The following ADAM2 variants were observed in gnomAD, a reference collection of about 807,000 sequenced individuals.
ADAM2 encodes the protein disintegrin and metalloproteinase domain-containing protein 2.
Under a neutral mutation model 99.3 loss-of-function variants are expected in ADAM2, and 101 were observed. That is an observed-to-expected ratio of 1.02 (90% confidence interval 0.87 to 1.20). The LOEUF (loss-of-function observed/expected upper bound fraction) is 1.20, where lower values mean the gene tolerates loss of function less well. Ranked by LOEUF, ADAM2 falls within the 50% of genes most tolerant of loss-of-function variation. The probability of loss-of-function intolerance (pLI) is 0.00; values close to 1 mark genes in which losing one functional copy is unlikely to be tolerated. For missense variants in ADAM2, 948 were observed against 878.7 expected, an observed-to-expected ratio of 1.08 and a Z score of -1.00; for synonymous variants, 323 against 287.6, an observed-to-expected ratio of 1.12 and a Z score of -1.25.
intron 11 of ADAM2, among the ~76,000 whole-genome samples, chr8:39,774,024 G>T (rs1489265253): frequency 6.6e-6 from 1 of 151,850 alleles, no homozygotes; most frequent in Non-Finnish European, 1.5e-5. Context: ...TCCCAGAAAA[G>T]CAAGATTATT....
In ADAM2 at chr8:39,788,199, A is replaced by G. The variant is rs770193799; in HGVS notation, c.695T>C (p.Ile232Thr). Residue 232 changes from isoleucine (I) to threonine (T), a missense_variant, in exon 9 of 21, where the codon ATA (isoleucine) becomes ACA (threonine). By Grantham distance (89) the Ile-to-Thr change is moderately conservative. Coordinates refer to ENST00000265708, the MANE Select transcript of ADAM2 (RefSeq NM_001464.5). ...TIILSSLELW[I>T]DENKIATTGE... is the part of the protein sequence containing the mutation. ...AGTGGTTGCAATTTTATTTTCATCT[A>G]TCCAAAGCTCCAATGAAGACAGAAT... 1.9e-6 allele frequency: 3 copies of G among 1,576,336 alleles called. No homozygotes were observed. The highest frequency in any genetic ancestry group is 2.6e-6 in the Non-Finnish European group (3 of 1,155,582).
intron 11 of ADAM2, 77 bp from the exon 12 acceptor site, chr8:39,769,652 C>A: frequency 2.1e-6 from 2 of 963,804 alleles, no homozygotes; most frequent in Non-Finnish European, 1.6e-6. Context: ...ACCTATACAA[C>A]AGCATTCCAC....
chr8:39,796,133 TA>T (rs1343369248), intron 7 of ADAM2, among the ~76,000 whole-genome samples: 4 of 152,000 alleles, frequency 2.6e-5, no homozygotes, highest in Non-Finnish European at 5.9e-5. Flanking sequence ...TACATAGGTA[TA>T]TGTGTGCCAT....
chr8:39,778,779 A>G (rs1803101328), intron 10 of ADAM2, among the ~76,000 whole-genome samples: 1 of 152,114 alleles, frequency 6.6e-6, no homozygotes, highest in African/African-American at 2.4e-5. Flanking sequence ...GAATAAATTG[A>G]AGGATTCAGC....
At chr8:39,766,772 A>G (rs1400108617) in intron 14 of ADAM2, 76 bp downstream of exon 14, 15 of 992,662 alleles carry the variant, frequency 1.5e-5, no homozygotes, top group East Asian at 7.3e-5. Flanking sequence ...AAAAATCACA[A>G]TCATGTATCA....
At chr8:39,762,515 AG>A (rs1191886795) in intron 14 of ADAM2, among the ~76,000 whole-genome samples, 4 of 152,254 alleles carry the variant, frequency 2.6e-5, no homozygotes, top group African/African-American at 9.6e-5. Flanking sequence ...GTTAGGCTAT[AG>A]TCTCAAGTTA....
chr8:39,759,424 G>A (rs1270277406), intron 15 of ADAM2, among the ~76,000 whole-genome samples: 1 of 152,082 alleles, frequency 6.6e-6, no homozygotes, highest in Non-Finnish European at 1.5e-5. Context: ...TACATTAGGA[G>A]TAAATGTAAA....
chr8:39,751,839 C>CT (rs1031449393), intron 16 of ADAM2, among the ~76,000 whole-genome samples: 122 of 146,154 alleles, frequency 8.3e-4, no homozygotes, highest in East Asian at 2.0e-3. Context: ...TGTACATACT[C>CT]TTTTTTTTTT....
intron 6 of ADAM2, among the ~76,000 whole-genome samples, chr8:39,813,616 T>C (rs1044634783): frequency 3.3e-5 from 5 of 152,206 alleles, no homozygotes; most frequent in Non-Finnish European, 7.3e-5. Context: ...TCATGTCCTT[T>C]GTAGGGACAT....
intron 11 of ADAM2, among the ~76,000 whole-genome samples, chr8:39,771,628 G>A (rs904194524): frequency 2.6e-5 from 4 of 152,070 alleles, no homozygotes; most frequent in South Asian, 4.1e-4. Context: ...ACAAGAAAAT[G>A]TTATTCACTC....
At chr8:39,766,800 G>T (rs976988216) in intron 14 of ADAM2, 48 bp downstream of exon 14, 5 of 1,301,648 alleles carry the variant, frequency 3.8e-6, no homozygotes, top group Non-Finnish European at 5.3e-6. Context: ...TTTCTGTTCA[G>T]TTTCCAGAAA....
chr8:39,773,435 G>A (rs996657548), intron 11 of ADAM2, among the ~76,000 whole-genome samples: 2 of 151,626 alleles, frequency 1.3e-5, no homozygotes, highest in Non-Finnish European at 3.0e-5. Context: ...GGAAAACAAA[G>A]TAGATAGGCC....
intron 10 of ADAM2, among the ~76,000 whole-genome samples, chr8:39,786,526 C>A (rs181968576): frequency 5.3e-5 from 8 of 152,122 alleles, no homozygotes; most frequent in Non-Finnish European, 8.8e-5. Context: ...TAATTAATGT[C>A]AATTAGGACA....
At chr8:39,820,797 T>C (rs1174895464) in intron 6 of ADAM2, among the ~76,000 whole-genome samples, 5 of 152,182 alleles carry the variant, frequency 3.3e-5, no homozygotes, top group South Asian at 2.1e-4. Flanking sequence ...GTTGAAAATG[T>C]CATGATTGGA....
At chr8:39,787,951 G>T in intron 9 of ADAM2, 134 bp downstream of exon 9, 2 of 538,658 alleles carry the variant, frequency 3.7e-6, no homozygotes, top group Non-Finnish European at 6.0e-6. Flanking sequence ...ATACCATGTT[G>T]TGAAAAATAT....
At chr8:39,775,778 C>T (rs910205723) in intron 11 of ADAM2, among the ~76,000 whole-genome samples, 1 of 152,110 alleles carries the variant, frequency 6.6e-6, no homozygotes, top group Non-Finnish European at 1.5e-5. Flanking sequence ...TGGACCTTCT[C>T]TAGCTTGCTC....
chr8:39,752,053 CT>C (rs1270475842), intron 16 of ADAM2, among the ~76,000 whole-genome samples: 1 of 151,996 alleles, frequency 6.6e-6, no homozygotes, highest in Non-Finnish European at 1.5e-5. Context: ...GGCTCATACT[CT>C]TTTTTTAAAG....
chr8:39,821,771 G>C lies in ADAM2; in HGVS notation c.268-109C>G, dbSNP rs538557379. 33 of 729,750 alleles carry C rather than the reference G, an allele frequency of 4.5e-5. No individual in the cohort carries two copies. In the African/African-American group the frequency reaches 5.8e-4, roughly 13 times the overall value. The allele number at this position is 729,750 out of a possible 1,614,324, so 45.2% of individuals were successfully genotyped here. Reference sequence around the variant, plus strand: ...TTGTTTTTATGCATCAAACACTCATGTTTCAAAAATGGATTTATAATGTTA... The same window carrying C: ...TTGTTTTTATGCATCAAACACTCATCTTTCAAAAATGGATTTATAATGTTA... On this transcript the variant is annotated intron_variant, in intron 4 of 20. Transcript: ENST00000265708.
intron 7 of ADAM2, among the ~76,000 whole-genome samples, chr8:39,797,878 T>C (rs1804036662): frequency 6.6e-6 from 1 of 152,264 alleles, no homozygotes; most frequent in Non-Finnish European, 1.5e-5. Flanking sequence ...TTGTGATTTT[T>C]GCACATTGAT....
Sources: allele counts gnomAD v4.1 joint callset (sites outside exome capture counted in the v4.1 genomes callset), GRCh38; gene constraint gnomAD v4.1.1; transcripts MANE v1.5; gene names NCBI Gene and HGNC (gene_info 2026-07-23, HGNC 2026-07-21).